ITGAE: variants seen among roughly 807,000 people sequenced by gnomAD.
ITGAE encodes integrin subunit alpha E.
In ITGAE, 99 loss-of-function variants were observed where a neutral mutation model predicts 136.5. The observed-to-expected ratio is 0.73, with a 90% confidence interval of 0.62 to 0.86. The LOEUF (loss-of-function observed/expected upper bound fraction) is 0.86. ITGAE is among the 40% of genes least tolerant of loss of function. The probability of loss-of-function intolerance (pLI) is 0.00; values close to 1 mark genes in which losing one functional copy is unlikely to be tolerated. For synonymous variants in ITGAE, 613 were observed against 591.8 expected, an observed-to-expected ratio of 1.04 and a Z score of -0.52; for missense variants, 1,447 against 1,515.3, an observed-to-expected ratio of 0.95 and a Z score of 0.75.
At chr17:3,767,100 T>G (rs1451312913) in intron 2 of ITGAE, among the ~76,000 whole-genome samples, 1 of 151,754 alleles carries the variant, frequency 6.6e-6, no homozygotes, top group Non-Finnish European at 1.5e-5. Context: ...TCTTTTTTTT[T>G]TTTTTCTTTT....
At chr17:3,723,872 G>T (rs1238817298) in intron 26 of ITGAE, 128 bp from the exon 27 acceptor site, 78 of 1,517,752 alleles carry the variant, frequency 5.1e-5, no homozygotes, top group Non-Finnish European at 6.4e-5. Flanking sequence ...CGGCAGGCGG[G>T]CGCGTCCGCG....
intron 8 of ITGAE, 38 bp from the exon 9 acceptor site, chr17:3,757,897 CAGA>C (rs751766726): frequency 6.2e-7 from 1 of 1,610,580 alleles, no homozygotes; most frequent in South Asian, 1.1e-5. Flanking sequence ...AGAGCTTTGC[CAGA>C]AGGATGACCG....
chr17:3,761,315 C>A, intron 5 of ITGAE, 88 bp downstream of exon 5: 2 of 1,545,158 alleles, frequency 1.3e-6, no homozygotes, highest in Non-Finnish European at 1.7e-6. Flanking sequence ...CTGCGTCCCA[C>A]TGCATCTGCC....
In ITGAE at chr17:3,723,726, A is replaced by C; in HGVS notation, c.3103T>G (p.Trp1035Gly). 6.2e-7 allele frequency: 1 copy of C among 1,606,446 alleles called. No homozygotes were observed. Among genetic ancestry groups the C allele is most frequent in the Non-Finnish European group, 8.5e-7 (1 of 1,176,566 alleles). The change falls in exon 27 of 31, where the codon TGG (tryptophan) becomes GGG (glycine). Residue 1035 changes from tryptophan to glycine, a missense_variant. Trp to Gly is a radical substitution (Grantham distance 184). Coordinates refer to ENST00000263087, the MANE Select transcript of ITGAE (RefSeq NM_002208.5). ...TRTQASTVCT[W>G]SQERACAYSS... The stretch of plus-strand genomic sequence containing the variant: ...TACGCACAAGCGCGCTCCTGACTCC[A>C]GGTGCACACCGTGGAGGCCTGAAAC...
Position 3,761,195 on chromosome 17 carries a change from G to T in ITGAE, c.434-18C>A. On this transcript the variant is annotated intron_variant, in intron 5 of 30. Coordinates refer to ENST00000263087, the MANE Select transcript of ITGAE (RefSeq NM_002208.5). Reference sequence around the variant, plus strand: ...GAGATTTTCTTTAAAAACACACATGGAAGAGCTCAGAGTCAGAAAGGCTCC... The same window carrying T: ...GAGATTTTCTTTAAAAACACACATGTAAGAGCTCAGAGTCAGAAAGGCTCC... 1 of 1,607,954 alleles carries T rather than the reference G, an allele frequency of 6.2e-7. No individual in the cohort carries two copies. Among genetic ancestry groups the T allele is most frequent in the Non-Finnish European group, 8.5e-7 (1 of 1,177,948 alleles).
chr17:3,741,070 A>ATTT (rs58434003), intron 19 of ITGAE, among the ~76,000 whole-genome samples: 1,133 of 76,784 alleles, frequency 0.015, 8 homozygotes, highest in Non-Finnish European at 0.019. Flanking sequence ...TTTTTGTTGT[A>ATTT]TTTTTTTTTT....
chr17:3,801,053 C>T (rs1013946257), intron 1 of ITGAE, 58 bp downstream of exon 1: 3 of 1,591,098 alleles, frequency 1.9e-6, no homozygotes, highest in Admixed American at 3.3e-5. Context: ...AGTCTGCAGA[C>T]ACCTGGCTGG....
chr17:3,790,363 T>C (rs1296484065), intron 1 of ITGAE, among the ~76,000 whole-genome samples: 5 of 151,898 alleles, frequency 3.3e-5, no homozygotes, highest in Non-Finnish European at 5.9e-5. Context: ...AAAAATTAGC[T>C]GGGCGTAGTG....
rs759464877 is a variant in ITGAE at position 3,763,976 on chromosome 17, G to A, written c.156-16C>T. On this transcript the variant is annotated splice_polypyrimidine_tract_variant and intron_variant, in intron 2 of 30. Coordinates refer to ENST00000263087, the MANE Select transcript of ITGAE (RefSeq NM_002208.5). Reference sequence around the variant, plus strand: ...GACCAGGAGCCTGAGTGGGAGGGGAGGTTGCAAAGCTGAGCTGGCTGATGT... The same window carrying A: ...GACCAGGAGCCTGAGTGGGAGGGGAAGTTGCAAAGCTGAGCTGGCTGATGT... 3.1e-6 allele frequency: 5 copies of A among 1,591,864 alleles called. No individual in the cohort carries two copies. The highest frequency in any genetic ancestry group is 4.3e-6 in the Non-Finnish European group (5 of 1,161,912).
intron 12 of ITGAE, among the ~76,000 whole-genome samples, chr17:3,754,264 TTTTATTTA>T (rs954690908): frequency 1.3e-5 from 2 of 151,924 alleles, no homozygotes; most frequent in African/African-American, 2.4e-5. Context: ...CTATTATTAT[TTTTATTTA>T]TTTATTTATT....
intron 26 of ITGAE, chr17:3,725,478 A>G (rs754559863): frequency 1.9e-6 from 3 of 1,614,102 alleles, no homozygotes; most frequent in East Asian, 4.5e-5. Context: ...AATCATTGCT[A>G]TTGAAGGACC....
intron 1 of ITGAE, among the ~76,000 whole-genome samples, chr17:3,793,373 G>A (rs1032018149): frequency 5.3e-5 from 8 of 151,616 alleles, no homozygotes; most frequent in Non-Finnish European, 1.0e-4. Context: ...TTTTGAGTTG[G>A]AGTCTCACTC....
At chr17:3,753,539 A>C in intron 13 of ITGAE, 109 bp from the exon 14 acceptor site, 1 of 1,377,246 alleles carries the variant, frequency 7.3e-7, no homozygotes. Flanking sequence ...GGGTCGTTAC[A>C]TATCAATTTG....
At chr17:3,748,781 T>A (rs1409192249) in intron 16 of ITGAE, among the ~76,000 whole-genome samples, 3 of 152,028 alleles carry the variant, frequency 2.0e-5, no homozygotes, top group Non-Finnish European at 4.4e-5. Flanking sequence ...GGAACACTTT[T>A]GGTTTGTTTG....
At chr17:3,746,084 A>G (rs2051707342) in intron 17 of ITGAE, among the ~76,000 whole-genome samples, 157 bp from the exon 18 acceptor site, 2 of 152,108 alleles carry the variant, frequency 1.3e-5, no homozygotes, top group South Asian at 4.1e-4. Context: ...TTTTTCAAAG[A>G]TATTTTTCTC....
intron 26 of ITGAE, chr17:3,726,576 C>G: frequency 2.1e-6 from 1 of 469,100 alleles, no homozygotes; most frequent in Non-Finnish European, 3.8e-6. Flanking sequence ...GCCTGTAGTC[C>G]CAGCTACTCG....
intron 22 of ITGAE, 68 bp downstream of exon 22, chr17:3,732,300 G>T: frequency 8.6e-7 from 1 of 1,168,132 alleles, no homozygotes; most frequent in South Asian, 1.2e-5. Flanking sequence ...AGATTGAGAT[G>T]AGACCAAGAT....
chr17:3,755,212 G>T lies in ITGAE; in HGVS notation c.1289C>A (p.Ala430Glu). 6.3e-7 allele frequency: 1 copy of T among 1,581,520 alleles called. No homozygotes were observed. The highest frequency in any genetic ancestry group is 8.5e-7 in the Non-Finnish European group (1 of 1,170,346). Residue 430 changes from alanine (A) to glutamate (E), a missense_variant, in exon 12 of 31, where the codon GCG becomes GAG. Physicochemically the swap from Ala to Glu is moderately radical, Grantham distance 107. Coordinates refer to ENST00000263087, the MANE Select transcript of ITGAE (RefSeq NM_002208.5). ...AVGAFDWSGG[A>E]LLYDTRSRRG... ...GCGGCTGCGTGTGTCGTAGAGCAAC[G>T]CCCCTCCGGACCAGTCAAAGGCCCC...
intron 1 of ITGAE, 60 bp from the exon 2 acceptor site, chr17:3,777,720 A>G: frequency 1.9e-6 from 3 of 1,546,386 alleles, no homozygotes; most frequent in Non-Finnish European, 2.6e-6. Context: ...ATTCCAGCAA[A>G]TCCTGTGGTG....
Sources: allele counts gnomAD v4.1 joint callset (sites outside exome capture counted in the v4.1 genomes callset), GRCh38; gene constraint gnomAD v4.1.1; transcripts MANE v1.5; gene names NCBI Gene and HGNC (gene_info 2026-07-23, HGNC 2026-07-21).